Variants in NFIL3 observed in about 807,000 individuals in gnomAD.
NFIL3 encodes the protein nuclear factor, interleukin 3 regulated, also known as nuclear factor interleukin-3-regulated protein.
In NFIL3, 5 loss-of-function variants were observed where a neutral mutation model predicts 10.0. The ratio of observed to expected loss-of-function variants is 0.50; its 90% confidence interval spans 0.26 to 1.06. The LOEUF (loss-of-function observed/expected upper bound fraction) is 1.06, where lower values mean the gene tolerates loss of function less well. NFIL3 is among the 50% of genes least tolerant of loss of function. NFIL3 has a pLI of 0.13. For synonymous variants in NFIL3, 202 were observed against 206.5 expected (o/e 0.98, Z 0.19); for missense variants, 436 against 547.6 (o/e 0.80, Z 2.03).
At chr9:91,443,819 C>T in the NFIL3 span, among the ~76,000 whole-genome samples, 2 of 152,236 alleles carry the variant, frequency 1.3e-5, no homozygotes, top group Non-Finnish European at 2.9e-5. Context: ...GCACCTCCCC[C>T]ACTGCAGCTG....
intron 1 of NFIL3, 111 bp downstream of exon 1, chr9:91,423,529 C>G (rs1354091782): frequency 2.6e-5 from 4 of 150,946 alleles, no homozygotes; most frequent in Non-Finnish European, 5.9e-5. Flanking sequence ...GCCCAGCTTA[C>G]AGCCCGACCC....
intron 1 of NFIL3, among the ~76,000 whole-genome samples, chr9:91,419,243 A>ATGGATACTTC (rs1379574024): frequency 6.6e-6 from 1 of 152,234 alleles, no homozygotes; most frequent in Admixed American, 6.5e-5. Context: ...CTGGATTACA[A>ATGGATACTTC]TGGAAATCAT....
the NFIL3 span, among the ~76,000 whole-genome samples, chr9:91,458,971 A>G: frequency 1.8e-4 from 28 of 152,194 alleles, no homozygotes; most frequent in Admixed American, 6.5e-5. Flanking sequence ...TAATTTTTAG[A>G]AACAGGCTGG....
At chr9:91,415,425 A>T (rs1833635775) in intron 1 of NFIL3, among the ~76,000 whole-genome samples, 2 of 152,210 alleles carry the variant, frequency 1.3e-5, no homozygotes, top group Admixed American at 1.3e-4. Context: ...AGTGTCACAT[A>T]GCTAAATGGC....
chr9:91,430,774 C>A, the NFIL3 span, among the ~76,000 whole-genome samples: 1 of 152,038 alleles, frequency 6.6e-6, no homozygotes, highest in Non-Finnish European at 1.5e-5. Flanking sequence ...GCCTCCCAAG[C>A]AGCTAGCACT....
the NFIL3 span, among the ~76,000 whole-genome samples, chr9:91,449,604 T>G: frequency 1.3e-5 from 2 of 152,110 alleles, no homozygotes; most frequent in Non-Finnish European, 2.9e-5. Flanking sequence ...CAATTTAGTT[T>G]GCTAGGATTT....
the NFIL3 span, among the ~76,000 whole-genome samples, chr9:91,456,499 T>C: frequency 1.3e-5 from 2 of 152,190 alleles, no homozygotes; most frequent in African/African-American, 4.8e-5. Flanking sequence ...ATGCTCTTAG[T>C]AGCCATTCTT....
At chr9:91,436,619 C>CAACAACAAA in the NFIL3 span, among the ~76,000 whole-genome samples, 1 of 143,110 alleles carries the variant, frequency 7.0e-6, no homozygotes, top group Non-Finnish European at 1.5e-5. Flanking sequence ...ACAACAACAA[C>CAACAACAAA]AAAGAGTTGA....
chr9:91,465,274 G>GT, the NFIL3 span, among the ~76,000 whole-genome samples: 2 of 151,878 alleles, frequency 1.3e-5, no homozygotes, highest in East Asian at 3.9e-4. Flanking sequence ...ATTCAGTTCT[G>GT]TTTTTTAAAA....
chr9:91,470,332 G>A, the NFIL3 span, among the ~76,000 whole-genome samples: 2 of 150,028 alleles, frequency 1.3e-5, no homozygotes, highest in East Asian at 2.0e-4. Context: ...GGTGTTTATA[G>A]TATTCTCTGA....
the NFIL3 span, among the ~76,000 whole-genome samples, chr9:91,445,560 G>C: frequency 6.6e-6 from 1 of 152,140 alleles, no homozygotes; most frequent in East Asian, 1.9e-4. Context: ...TGGAATATGA[G>C]GTGCCACATC....
chr9:91,444,772 A>G, the NFIL3 span, among the ~76,000 whole-genome samples: 1 of 152,140 alleles, frequency 6.6e-6, no homozygotes, highest in South Asian at 2.1e-4. Flanking sequence ...TGGTGGCAGC[A>G]TATGTTATTA....
chr9:91,442,791 G>A, the NFIL3 span, among the ~76,000 whole-genome samples: 1 of 152,144 alleles, frequency 6.6e-6, no homozygotes, highest in African/African-American at 2.4e-5. Flanking sequence ...CCCAAAGAGG[G>A]TGCCACAGCC....
the NFIL3 span, among the ~76,000 whole-genome samples, chr9:91,473,640 A>G: frequency 6.6e-6 from 1 of 152,212 alleles, no homozygotes; most frequent in Non-Finnish European, 1.5e-5. Context: ...AGGAAAGGGA[A>G]TTCCCCCTGA....
upstream of NFIL3, among the ~76,000 whole-genome samples, chr9:91,424,422 G>T (rs971340605): frequency 6.6e-6 from 1 of 152,228 alleles, no homozygotes; most frequent in East Asian, 1.9e-4. Flanking sequence ...GGGGTGGGCA[G>T]GAGGGAAGGC....
chr9:91,423,713 C>G lies in NFIL3; in HGVS notation c.-246G>C, dbSNP rs1174776927. On this transcript the variant is annotated 5_prime_UTR_variant, in exon 1 of 2. Coordinates refer to ENST00000297689, the MANE Select transcript of NFIL3 (RefSeq NM_005384.3). ...AGTCGGGCCGCCGGCGCTCGGGGCTCGGGCCGGGCCGGGCCTCCGGGGCCG... is the reference window on the plus strand; with the variant it reads ...AGTCGGGCCGCCGGCGCTCGGGGCTGGGGCCGGGCCGGGCCTCCGGGGCCG... The G allele has an allele frequency of 7.1e-6, 1 of 140,068 alleles. No homozygotes were observed. Among genetic ancestry groups the G allele is most frequent in the Non-Finnish European group, 1.6e-5 (1 of 64,488 alleles). 8.7% of individuals were successfully genotyped at this position (140,068 alleles called of 1,614,324 possible). A position where few individuals can be genotyped will look rare whatever the true frequency, so the allele number is the denominator to read the frequency against.
chr9:91,478,600 T>G, the NFIL3 span, among the ~76,000 whole-genome samples: 7 of 152,222 alleles, frequency 4.6e-5, no homozygotes, highest in African/African-American at 1.4e-4. Context: ...CTCCTTTAGC[T>G]CGGAGGAGTT....
the NFIL3 span, among the ~76,000 whole-genome samples, chr9:91,469,957 A>G: frequency 6.6e-6 from 1 of 152,188 alleles, no homozygotes; most frequent in Non-Finnish European, 1.5e-5. Context: ...GGATTTTCAC[A>G]TTGATGTTCA....
the NFIL3 span, among the ~76,000 whole-genome samples, chr9:91,441,913 T>G: frequency 6.6e-6 from 1 of 152,212 alleles, no homozygotes; most frequent in Admixed American, 6.5e-5. Context: ...ACTAGAGATA[T>G]GAATGATTCA....
Sources: allele counts gnomAD v4.1 joint callset (sites outside exome capture counted in the v4.1 genomes callset), GRCh38; gene constraint gnomAD v4.1.1; transcripts MANE v1.5; gene names NCBI Gene and HGNC (gene_info 2026-07-23, HGNC 2026-07-21).